Variants in CPXM2 observed in about 807,000 individuals in gnomAD.
CPXM2 encodes the protein inactive carboxypeptidase-like protein X2.
CPXM2 carries 66 observed loss-of-function variants against 86.1 expected under a neutral mutation model. The observed-to-expected ratio is 0.77, with a 90% CI of 0.63 to 0.94. The LOEUF is 0.94. Ranked by LOEUF, CPXM2 falls within the 40% of genes least tolerant of loss-of-function variation. The pLI, the probability that CPXM2 is intolerant of heterozygous loss-of-function variation, is 0.00. For synonymous variants in CPXM2, 388 were observed against 400.2 expected (o/e 0.97, Z 0.36); for missense variants, 948 against 1,026.3 (o/e 0.92, Z 1.04).
At chr10:123,857,606 CGGCGTGG>C (rs1458968168) in intron 3 of CPXM2, among the ~76,000 whole-genome samples, 4 of 139,678 alleles carry the variant, frequency 2.9e-5, no homozygotes, top group South Asian at 2.6e-4. Flanking sequence ...AGATGGAAGG[CGGCGTGG>C]AGATGGAAGG....
chr10:123,800,970 C>G (rs1847444990), intron 4 of CPXM2, among the ~76,000 whole-genome samples: 1 of 152,184 alleles, frequency 6.6e-6, no homozygotes, highest in South Asian at 2.1e-4. Context: ...GCCTTCCGCT[C>G]TACACTCTGA....
At chr10:123,791,877 G>A (rs553830347) in intron 6 of CPXM2, among the ~76,000 whole-genome samples, 37 of 152,326 alleles carry the variant, frequency 2.4e-4, no homozygotes, top group South Asian at 2.1e-4. Flanking sequence ...TGCCCACTGC[G>A]AGAGGCCATC....
At position 123,842,453 on chromosome 10, in the gene CPXM2, C is replaced by T. The variant is rs199715698; in HGVS notation, c.549G>A (p.Ala183=). 2.3e-5 allele frequency: 37 copies of T among 1,614,082 alleles called. No individual in the cohort carries two copies. Among genetic ancestry groups the T allele is most frequent in the Admixed American group, 1.7e-4 (10 of 60,016 alleles). The part of the protein sequence containing the change: ...GINENDFYDG[A]WCAGRNDLQQ... ...GGAGGTCATTTCTTCCCGCGCACCACGCTCCGTCATAAAAATCATTTTCAT... is the reference window on the plus strand; with the variant it reads ...GGAGGTCATTTCTTCCCGCGCACCATGCTCCGTCATAAAAATCATTTTCAT... Residue 183 remains alanine (A), a synonymous_variant, in exon 4 of 14, where the codon GCG becomes GCA. Coordinates refer to ENST00000241305, the MANE Select transcript of CPXM2 (RefSeq NM_198148.3).
intron 13 of CPXM2, among the ~76,000 whole-genome samples, chr10:123,749,671 C>T (rs767458332): frequency 1.3e-5 from 2 of 152,256 alleles, no homozygotes; most frequent in Non-Finnish European, 2.9e-5. Context: ...TCAGGACACA[C>T]ACATCTCACA....
At chr10:123,748,937 G>C (rs1049065722) in intron 13 of CPXM2, among the ~76,000 whole-genome samples, 1 of 152,100 alleles carries the variant, frequency 6.6e-6, no homozygotes, top group African/African-American at 2.4e-5. Context: ...CCTCGGCCCG[G>C]TGTTAAAGCT....
chr10:123,803,095 C>A (rs1471205686), intron 4 of CPXM2, among the ~76,000 whole-genome samples: 1 of 124,838 alleles, frequency 8.0e-6, no homozygotes, highest in Non-Finnish European at 1.8e-5. Context: ...ATTTGTCTTC[C>A]TTTTCATCCT....
intron 4 of CPXM2, among the ~76,000 whole-genome samples, chr10:123,822,724 AAATAAT>A (rs10603506): frequency 0.68 from 102,416 of 149,886 alleles, 36,020 homozygotes; most frequent in Non-Finnish European, 0.77. Flanking sequence ...ATGGACCTGA[AAATAAT>A]AATAATAATA....
chr10:123,900,357 A>G (rs1945371734), intron 2 of CPXM2, among the ~76,000 whole-genome samples: 1 of 152,218 alleles, frequency 6.6e-6, no homozygotes, highest in African/African-American at 2.4e-5. Context: ...ATTAATATCC[A>G]TGATACATAA....
At chr10:123,855,934 G>A (rs1053034929) in intron 3 of CPXM2, among the ~76,000 whole-genome samples, 2 of 152,134 alleles carry the variant, frequency 1.3e-5, no homozygotes, top group Non-Finnish European at 2.9e-5. Flanking sequence ...CAAGAGGTGA[G>A]CCTCTCTCTC....
rs557183208 is a variant in CPXM2 at position 123,864,142 on chromosome 10, G to C, written c.404-1419C>G. Among the ~76,000 whole-genome samples, 6 of 152,116 alleles carry C rather than the reference G, an allele frequency of 3.9e-5. No homozygotes were observed. In the South Asian group the frequency reaches 1.2e-3, roughly 32 times the overall value. ...CATCCTCGTCTCCTGCTCACTCCTTGCTCTTCTCCCCATCACCTGGTCTCA... is the reference window on the plus strand; with the variant it reads ...CATCCTCGTCTCCTGCTCACTCCTTCCTCTTCTCCCCATCACCTGGTCTCA... On this transcript the variant is annotated intron_variant, in intron 2 of 13. Coordinates refer to ENST00000241305, the MANE Select transcript of CPXM2 (RefSeq NM_198148.3).
intron 4 of CPXM2, among the ~76,000 whole-genome samples, chr10:123,817,238 C>T (rs866354130): frequency 6.6e-6 from 1 of 152,298 alleles, no homozygotes; most frequent in Middle Eastern, 3.4e-3. Context: ...TGCAACAGGT[C>T]TAGGCTGCTG....
intron 10 of CPXM2, among the ~76,000 whole-genome samples, chr10:123,763,775 G>A (rs1285908929): frequency 1.3e-5 from 2 of 151,958 alleles, no homozygotes; most frequent in African/African-American, 4.8e-5. Flanking sequence ...AACGAACAGT[G>A]TTGCTTTGAA....
At chr10:123,938,156 T>C (rs1294367560) in intron 2 of CPXM2, among the ~76,000 whole-genome samples, 1 of 152,206 alleles carries the variant, frequency 6.6e-6, no homozygotes, top group Non-Finnish European at 1.5e-5. Context: ...TCTAACACTT[T>C]TGTGTGCACA....
intron 4 of CPXM2, among the ~76,000 whole-genome samples, chr10:123,809,818 T>C (rs765888566): frequency 2.0e-5 from 3 of 152,022 alleles, no homozygotes; most frequent in Non-Finnish European, 4.4e-5. Flanking sequence ...AACAGAGTGT[T>C]TTATGCAAAA....
chr10:123,825,290 A>T (rs1393933412), intron 4 of CPXM2, among the ~76,000 whole-genome samples: 1 of 152,188 alleles, frequency 6.6e-6, no homozygotes, highest in Non-Finnish European at 1.5e-5. Flanking sequence ...GGCCAAAGTC[A>T]TCTTGGGTCA....
At chr10:123,802,725 A>C (rs1323660184) in intron 4 of CPXM2, among the ~76,000 whole-genome samples, 2 of 152,208 alleles carry the variant, frequency 1.3e-5, no homozygotes, top group Admixed American at 6.5e-5. Context: ...ACCTACGTTC[A>C]GCCGCATTAT....
At chr10:123,796,211 T>TG (rs1465297846) in intron 6 of CPXM2, among the ~76,000 whole-genome samples, 1 of 152,224 alleles carries the variant, frequency 6.6e-6, no homozygotes, top group Non-Finnish European at 1.5e-5. Context: ...GCCTTGAAAC[T>TG]GGGCACATTC....
intron 2 of CPXM2, among the ~76,000 whole-genome samples, chr10:123,877,742 C>T (rs1945010141): frequency 6.6e-6 from 1 of 152,154 alleles, no homozygotes; most frequent in African/African-American, 2.4e-5. Context: ...ATGACTCAAC[C>T]AACTTCTTAA....
rs750148969 is a variant in CPXM2 at position 123,757,277 on chromosome 10, T to A, written c.1853A>T (p.His618Leu). 6.2e-7 allele frequency: 1 copy of A among 1,613,790 alleles called. No individual in the cohort carries two copies. The highest frequency in any genetic ancestry group is 8.5e-7 in the Non-Finnish European group (1 of 1,179,676). ...CCACTCCTCGGGCAGCTGGCTCTCA[T>A]GTGGGTATTTATCACAGCCCACGTA... ...SIYVGCDKYPHESQLPEEWEN... is the reference protein window; with the variant it reads ...SIYVGCDKYPLESQLPEEWEN... Residue 618 changes from histidine (H) to leucine (L), a missense_variant, in exon 12 of 14, where the codon CAT becomes CTT. Transcript: ENST00000241305.
Sources: gnomAD v4.1 joint callset for allele counts (sites outside exome capture counted in the v4.1 genomes callset) on GRCh38, gnomAD v4.1.1 for gene constraint, MANE v1.5 for transcripts, NCBI Gene and HGNC (gene_info 2026-07-23, HGNC 2026-07-21) for gene names.